PIK3R3: variants seen among roughly 807,000 people sequenced by gnomAD.
PIK3R3 encodes phosphoinositide-3-kinase regulatory subunit 3.
Under a neutral mutation model 62.9 loss-of-function variants are expected in PIK3R3, and 64 were observed. The ratio of observed to expected loss-of-function variants is 1.02; its 90% CI spans 0.83 to 1.25. The LOEUF (loss-of-function observed/expected upper bound fraction) is 1.25. PIK3R3 is among the 50% of genes most tolerant of loss of function. The pLI is 0.00. For synonymous variants in PIK3R3, 165 were observed against 189.0 expected (o/e 0.87, Z 1.04); for missense variants, 614 against 561.6 (o/e 1.09, Z -0.94).
intron 5 of PIK3R3, among the ~76,000 whole-genome samples, chr1:46,064,618 A>G (rs1648827771): frequency 6.6e-6 from 1 of 152,170 alleles, no homozygotes; most frequent in Non-Finnish European, 1.5e-5. Flanking sequence ...ATATTTACTA[A>G]CAACAAAACT....
chr1:46,124,090 T>G (rs1189524055), intron 1 of PIK3R3, among the ~76,000 whole-genome samples: 1 of 152,206 alleles, frequency 6.6e-6, no homozygotes, highest in South Asian at 2.1e-4. Context: ...AGGTTTTGAC[T>G]GCAAGAGTAC....
At chr1:46,093,037 AC>A (rs1025924528) in intron 1 of PIK3R3, among the ~76,000 whole-genome samples, 3 of 152,130 alleles carry the variant, frequency 2.0e-5, no homozygotes, top group Admixed American at 2.0e-4. Flanking sequence ...CAAAAATCTT[AC>A]CCTAAATTTA....
chr1:46,129,384 G>A (rs969135895), intron 1 of PIK3R3, among the ~76,000 whole-genome samples: 2 of 150,896 alleles, frequency 1.3e-5, no homozygotes, highest in Admixed American at 6.6e-5. Context: ...TATATGAGAG[G>A]GTAAGCAATT....
At chr1:46,113,037 T>C (rs1653873715) in intron 1 of PIK3R3, among the ~76,000 whole-genome samples, 1 of 152,178 alleles carries the variant, frequency 6.6e-6, no homozygotes, top group Non-Finnish European at 1.5e-5. Flanking sequence ...ACTGCTACAA[T>C]CTTAGCCTTA....
At chr1:46,094,363 C>A (rs17101983) in intron 1 of PIK3R3, among the ~76,000 whole-genome samples, 1,802 of 151,916 alleles carry the variant, frequency 0.012, 29 homozygotes, top group African/African-American at 0.038. Context: ...ATCTTAGATG[C>A]AGAATAATGC....
At chr1:46,173,183 G>A in the PIK3R3 span, among the ~76,000 whole-genome samples, 1 of 152,122 alleles carries the variant, frequency 6.6e-6, no homozygotes, top group East Asian at 1.9e-4. Context: ...GGTAAGGGCT[G>A]TATTCCCTCT....
chr1:46,108,308 TCTC>T (rs1653400594), intron 1 of PIK3R3, among the ~76,000 whole-genome samples: 1 of 152,180 alleles, frequency 6.6e-6, no homozygotes, highest in African/African-American at 2.4e-5. Flanking sequence ...TGCCAGGATC[TCTC>T]CAGCTCCCTA....
the PIK3R3 span, among the ~76,000 whole-genome samples, chr1:46,148,745 A>G: frequency 7.1e-5 from 6 of 84,120 alleles, no homozygotes; most frequent in African/African-American, 2.9e-4. Context: ...AAGATTTTGG[A>G]GAGAGAGAGA....
At chr1:46,121,834 T>C (rs1654705916) in intron 1 of PIK3R3, among the ~76,000 whole-genome samples, 3 of 152,092 alleles carry the variant, frequency 2.0e-5, no homozygotes, top group Non-Finnish European at 4.4e-5. Context: ...TTGTGTTGGC[T>C]CATCAATACC....
At chr1:46,049,409 G>C (rs1331240692) in intron 7 of PIK3R3, among the ~76,000 whole-genome samples, 1 of 152,244 alleles carries the variant, frequency 6.6e-6, no homozygotes, top group African/African-American at 2.4e-5. Context: ...AAACGACTTT[G>C]AAGCTGACGC....
chr1:46,076,009 AAAT>A (rs1428533586), intron 3 of PIK3R3, among the ~76,000 whole-genome samples: 3 of 152,176 alleles, frequency 2.0e-5, no homozygotes, highest in Non-Finnish European at 4.4e-5. Context: ...CAGAGAGATA[AAAT>A]TTTTTTCTTT....
the PIK3R3 span, among the ~76,000 whole-genome samples, chr1:46,139,236 T>C: frequency 6.6e-6 from 1 of 152,110 alleles, no homozygotes; most frequent in Non-Finnish European, 1.5e-5. Flanking sequence ...ACACTATTTC[T>C]GCCCTTTATG....
the PIK3R3 span, among the ~76,000 whole-genome samples, chr1:46,140,013 G>T: frequency 6.6e-6 from 1 of 152,086 alleles, no homozygotes; most frequent in Non-Finnish European, 1.5e-5. Context: ...AAGAGGAATG[G>T]CGTCTCGCTC....
chr1:46,096,073 C>T (rs976270409), intron 1 of PIK3R3, among the ~76,000 whole-genome samples: 11 of 152,180 alleles, frequency 7.2e-5, no homozygotes, highest in African/African-American at 2.4e-4. Context: ...CGTGAGCCAC[C>T]GTGCCCGACA....
chr1:46,048,862 C>G (rs1768817), intron 7 of PIK3R3, among the ~76,000 whole-genome samples: 102,483 of 152,100 alleles, frequency 0.67, 34,778 homozygotes, highest in Non-Finnish European at 0.71. Flanking sequence ...CCTTACAAAC[C>G]TATTAACAAT....
chr1:46,046,240 A>G, intron 8 of PIK3R3, 152 bp from the exon 9 acceptor site: 1 of 607,268 alleles, frequency 1.6e-6, no homozygotes, highest in Non-Finnish European at 2.9e-6. Context: ...GCTATGGTGC[A>G]TAAAGCAAAG....
chr1:46,129,074 A>G lies in PIK3R3; in HGVS notation c.106+2773T>C, dbSNP rs1209414893. ...CAACAGAGTGAGACTCTGCCTCAGG[A>G]AAAAAAAAAAAAGAAGAAGAAGTGC... On this transcript the variant is annotated intron_variant, in intron 1 of 9. Transcript: ENST00000262741. 3.5e-5 allele frequency among the ~76,000 whole-genome samples: 5 copies of G among 143,696 alleles called. No individual in the cohort carries two copies. The South Asian group carries it at 6.5e-4, about 19-fold the overall frequency. 94.3% of individuals were successfully genotyped at this position (143,696 alleles called of 152,430 possible).
the PIK3R3 span, among the ~76,000 whole-genome samples, chr1:46,165,984 C>T: frequency 5.3e-5 from 8 of 150,438 alleles, no homozygotes; most frequent in Non-Finnish European, 1.2e-4. Flanking sequence ...CTGTGTTAGC[C>T]AGGATGGTCT....
intron 1 of PIK3R3, among the ~76,000 whole-genome samples, chr1:46,110,121 T>C (rs1483408113): frequency 6.6e-6 from 1 of 152,034 alleles, no homozygotes; most frequent in African/African-American, 2.4e-5. Context: ...CTTTTTTTTT[T>C]TTCTTTTTGA....
Sources: allele counts gnomAD v4.1 joint callset (sites outside exome capture counted in the v4.1 genomes callset), GRCh38; gene constraint gnomAD v4.1.1; transcripts MANE v1.5; gene names NCBI Gene and HGNC (gene_info 2026-07-23, HGNC 2026-07-21).